Variants in OR51B5 observed in about 807,000 individuals in gnomAD.
OR51B5 encodes olfactory receptor family 51 subfamily B member 5, also known as olfactory receptor 51B5.
For missense variants in OR51B5, 456 were observed against 374.6 expected, an observed-to-expected ratio of 1.22 and a Z score of -1.79; for synonymous variants, 186 against 144.8, an observed-to-expected ratio of 1.28 and a Z score of -2.04.
intron 1 of OR51B5, among the ~76,000 whole-genome samples, chr11:5,432,003 GCTT>G (rs1423508141): frequency 6.6e-6 from 1 of 152,164 alleles, no homozygotes; most frequent in Admixed American, 6.5e-5. Flanking sequence ...CACCTTGAGT[GCTT>G]ATTACTTCTA....
At chr11:5,439,600 A>C (rs1850644805) in intron 1 of OR51B5, among the ~76,000 whole-genome samples, 1 of 152,170 alleles carries the variant, frequency 6.6e-6, no homozygotes, top group South Asian at 2.1e-4. Flanking sequence ...CACTCCTGAT[A>C]GTTTTTTGTT....
At chr11:5,412,203 G>T (rs1850158791) in intron 1 of OR51B5, among the ~76,000 whole-genome samples, 1 of 152,090 alleles carries the variant, frequency 6.6e-6, no homozygotes, top group African/African-American at 2.4e-5. Flanking sequence ...CAAATCATTT[G>T]CCAGAATATG....
chr11:5,477,922 G>A (rs1449514097), intron 1 of OR51B5, among the ~76,000 whole-genome samples: 2 of 151,886 alleles, frequency 1.3e-5, no homozygotes, highest in African/African-American at 4.8e-5. Context: ...CAAGGCAGCA[G>A]GGAGGCTGGG....
intron 1 of OR51B5, among the ~76,000 whole-genome samples, chr11:5,490,864 G>A (rs1216161078): frequency 6.6e-6 from 1 of 152,180 alleles, no homozygotes; most frequent in Non-Finnish European, 1.5e-5. Flanking sequence ...AACAAAGCAA[G>A]CATTCAATTC....
chr11:5,443,869 AC>A (rs1183035354), intron 1 of OR51B5, among the ~76,000 whole-genome samples: 4 of 152,028 alleles, frequency 2.6e-5, no homozygotes, highest in African/African-American at 4.8e-5. Context: ...ATGAGCACAC[AC>A]ACACACACAG....
At chr11:5,454,053 T>C in intron 1 of OR51B5, 1 of 1,614,164 alleles carries the variant, frequency 6.2e-7, no homozygotes, top group Non-Finnish European at 8.5e-7. Context: ...GAGGCTTGCC[T>C]GTGCTGATAT....
At chr11:5,503,613 C>T (rs924400404) in intron 1 of OR51B5, among the ~76,000 whole-genome samples, 50 of 152,052 alleles carry the variant, frequency 3.3e-4, no homozygotes, top group African/African-American at 1.1e-3. Context: ...TGGTATCTTG[C>T]AATGTCAGGC....
At chr11:5,468,644 C>T in intron 1 of OR51B5, 1 of 456,406 alleles carries the variant, frequency 2.2e-6, no homozygotes, top group Non-Finnish European at 4.4e-6. Flanking sequence ...CATGGACACA[C>T]TAACCATAGG....
intron 1 of OR51B5, among the ~76,000 whole-genome samples, chr11:5,388,543 G>A (rs1409238571): frequency 1.4e-5 from 2 of 146,152 alleles, no homozygotes; most frequent in South Asian, 2.3e-4. Flanking sequence ...GTTTACCTAT[G>A]AGCAAGCATA....
intron 1 of OR51B5, among the ~76,000 whole-genome samples, chr11:5,416,651 A>T (rs1457698332): frequency 6.8e-6 from 1 of 146,768 alleles, no homozygotes; most frequent in African/African-American, 2.5e-5. Context: ...ACAGAGAGCC[A>T]AATCATGAGT....
chr11:5,484,463 G>A (rs1431993346), intron 1 of OR51B5, among the ~76,000 whole-genome samples: 1 of 152,168 alleles, frequency 6.6e-6, no homozygotes. Context: ...AAAGAAGATG[G>A]TAGTGATTCC....
chr11:5,432,136 T>C (rs1470158384), intron 1 of OR51B5, among the ~76,000 whole-genome samples: 1 of 152,210 alleles, frequency 6.6e-6, no homozygotes, highest in Non-Finnish European at 1.5e-5. Flanking sequence ...TATCTAACTA[T>C]GTGTTTATAG....
chr11:5,418,860 C>A (rs965375076), intron 1 of OR51B5, among the ~76,000 whole-genome samples: 3 of 129,136 alleles, frequency 2.3e-5, no homozygotes, highest in Non-Finnish European at 4.8e-5. Flanking sequence ...ACATGTACCC[C>A]AGAACTTGAA....
At chr11:5,381,609 C>G (rs1324576375) in intron 1 of OR51B5, among the ~76,000 whole-genome samples, 1 of 152,224 alleles carries the variant, frequency 6.6e-6, no homozygotes, top group Non-Finnish European at 1.5e-5. Flanking sequence ...TGTCTATCTT[C>G]AAGTTCTTGA....
chr11:5,357,518 A>G (rs1194396025), intron 1 of OR51B5, among the ~76,000 whole-genome samples: 2 of 152,200 alleles, frequency 1.3e-5, no homozygotes, highest in Middle Eastern at 3.4e-3. Context: ...CTCTCACACA[A>G]TAACAATGGG....
At chr11:5,397,886 T>C (rs1192292671) in intron 1 of OR51B5, among the ~76,000 whole-genome samples, 2 of 151,440 alleles carry the variant, frequency 1.3e-5, no homozygotes, top group Admixed American at 6.6e-5. Flanking sequence ...AAATGATGAG[T>C]TCATGTCCTT....
downstream of OR51B5, chr11:5,341,083 CAG>C (rs1156571487): frequency 1.9e-4 from 29 of 152,154 alleles, no homozygotes; most frequent in African/African-American, 6.7e-4. Context: ...CTTAATGAAA[CAG>C]AATATAAATA....
At chr11:5,492,211 AGTCT>A (rs1851591014) in intron 1 of OR51B5, among the ~76,000 whole-genome samples, 1 of 151,942 alleles carries the variant, frequency 6.6e-6, no homozygotes, top group Admixed American at 6.6e-5. Context: ...CACCCCACCA[AGTCT>A]GTCTCTCTCA....
chr11:5,471,161 T>C (rs1851222252), intron 1 of OR51B5, among the ~76,000 whole-genome samples: 1 of 152,204 alleles, frequency 6.6e-6, no homozygotes, highest in African/African-American at 2.4e-5. Context: ...TAAATTTTAG[T>C]GCATTTATTA....
Sources: allele counts gnomAD v4.1 joint callset (sites outside exome capture counted in the v4.1 genomes callset), GRCh38; gene constraint gnomAD v4.1.1; transcripts MANE v1.5; gene names NCBI Gene and HGNC (gene_info 2026-07-23, HGNC 2026-07-21).